The following PPA2 variants were observed in gnomAD, a reference collection of about 807,000 sequenced individuals.
PPA2 encodes inorganic pyrophosphatase 2.
Under a neutral mutation model 49.5 loss-of-function variants are expected in PPA2, and 48 were observed. The ratio of observed to expected loss-of-function variants is 0.97; its 90% CI spans 0.77 to 1.23. The LOEUF (loss-of-function observed/expected upper bound fraction) is 1.23, where lower values mean the gene tolerates loss of function less well. PPA2 is among the 50% of genes most tolerant of loss of function. The pLI is 0.00. For missense variants in PPA2, 429 were observed against 410.1 expected, an observed-to-expected ratio of 1.05 and a Z score of -0.40; for synonymous variants, 131 against 139.9, an observed-to-expected ratio of 0.94 and a Z score of 0.45.
chr4:105,435,356 T>A (rs936229240), intron 6 of PPA2, among the ~76,000 whole-genome samples: 1 of 152,196 alleles, frequency 6.6e-6, no homozygotes, highest in Non-Finnish European at 1.5e-5. Flanking sequence ...AATTCATGAA[T>A]TGTTCCATGT....
intron 5 of PPA2, among the ~76,000 whole-genome samples, chr4:105,445,763 C>T (rs1578869138): frequency 6.6e-6 from 1 of 151,934 alleles, no homozygotes; most frequent in South Asian, 2.1e-4. Context: ...GGAAGAGTTA[C>T]CTCTTCCTGG....
chr4:105,375,010 T>C (rs1345757380), intron 10 of PPA2, among the ~76,000 whole-genome samples: 2 of 152,030 alleles, frequency 1.3e-5, no homozygotes, highest in African/African-American at 4.8e-5. Context: ...TCTTTCTGCA[T>C]TGTATTTCCA....
In PPA2 at chr4:105,449,422, C is replaced by A. The variant is rs112044972; in HGVS notation, c.268-19G>T. 6.3e-3 allele frequency: 9,553 copies of A among 1,505,558 alleles called. 513 individuals are homozygous for A. In the African/African-American group the frequency reaches 0.12, roughly 18 times the overall value. The allele number at this position is 1,505,558 out of a possible 1,614,324, so 93.3% of individuals were successfully genotyped here. A position where few individuals can be genotyped will look rare whatever the true frequency, so the allele number is the denominator to read the frequency against. ...ACAGATTCTGCAGTTAAAAACAAAACAAAGAGAGAACATTAAAAATTTTAC... is the reference window on the plus strand; with the variant it reads ...ACAGATTCTGCAGTTAAAAACAAAAAAAAGAGAGAACATTAAAAATTTTAC... On this transcript the variant is annotated intron_variant, in intron 3 of 11. Transcript: ENST00000341695.
intron 10 of PPA2, among the ~76,000 whole-genome samples, chr4:105,372,640 T>A (rs1733072299): frequency 6.6e-6 from 1 of 152,184 alleles, no homozygotes; most frequent in African/African-American, 2.4e-5. Flanking sequence ...GAGACAGCCA[T>A]CAGATTTCAT....
At chr4:105,402,000 T>G (rs962335524) in intron 7 of PPA2, among the ~76,000 whole-genome samples, 1 of 152,222 alleles carries the variant, frequency 6.6e-6, no homozygotes, top group African/African-American at 2.4e-5. Context: ...TGAGATGTAA[T>G]TAAATATTAC....
intron 10 of PPA2, among the ~76,000 whole-genome samples, chr4:105,377,079 C>T (rs1733284517): frequency 6.6e-6 from 1 of 152,130 alleles, no homozygotes; most frequent in Non-Finnish European, 1.5e-5. Flanking sequence ...CCACTTGTTC[C>T]ACCTCTTCTT....
At chr4:105,461,990 C>G (rs1015766583) in intron 1 of PPA2, among the ~76,000 whole-genome samples, 2 of 152,172 alleles carry the variant, frequency 1.3e-5, no homozygotes, top group Non-Finnish European at 2.9e-5. Flanking sequence ...CAGGGCCAAT[C>G]ATGTTGATAT....
chr4:105,380,064 C>T (rs940305061), intron 10 of PPA2, among the ~76,000 whole-genome samples: 1 of 152,210 alleles, frequency 6.6e-6, no homozygotes, highest in African/African-American at 2.4e-5. Context: ...ATCTGAATGG[C>T]TTTTGCTTCT....
chr4:105,395,502 A>T (rs1734102969), intron 9 of PPA2, among the ~76,000 whole-genome samples: 1 of 152,228 alleles, frequency 6.6e-6, no homozygotes, highest in Admixed American at 6.5e-5. Flanking sequence ...TTATGTTCAC[A>T]GATGAACTGT....
intron 1 of PPA2, among the ~76,000 whole-genome samples, chr4:105,463,211 G>A (rs1402315145): frequency 1.3e-5 from 2 of 152,222 alleles, no homozygotes; most frequent in Admixed American, 1.3e-4. Flanking sequence ...CCAGGCTGAT[G>A]TGGTCTCAGA....
At chr4:105,434,029 T>C (rs1723938868) in intron 6 of PPA2, among the ~76,000 whole-genome samples, 1 of 152,206 alleles carries the variant, frequency 6.6e-6, no homozygotes, top group Non-Finnish European at 1.5e-5. Flanking sequence ...AGTCTTACCA[T>C]GTTGCCCAGG....
chr4:105,466,759 T>G (rs1431443882), intron 1 of PPA2, among the ~76,000 whole-genome samples: 2 of 152,196 alleles, frequency 1.3e-5, no homozygotes, highest in Admixed American at 6.5e-5. Context: ...GGATCTTGTG[T>G]CCCATCTCCC....
intron 7 of PPA2, among the ~76,000 whole-genome samples, chr4:105,413,974 T>C (rs1454706952): frequency 6.6e-6 from 1 of 152,126 alleles, no homozygotes; most frequent in Non-Finnish European, 1.5e-5. Flanking sequence ...TAATAAAGGG[T>C]TAATATGCAA....
intron 1 of PPA2, chr4:105,473,589 T>G (rs751487545): frequency 6.7e-6 from 4 of 600,328 alleles, no homozygotes. Context: ...GGTGGCCGCT[T>G]GCACTCTGCC....
At chr4:105,470,972 G>T (rs994893883) in intron 1 of PPA2, among the ~76,000 whole-genome samples, 1 of 152,218 alleles carries the variant, frequency 6.6e-6, no homozygotes, top group East Asian at 1.9e-4. Flanking sequence ...TCACTAAGAT[G>T]TTAACAAATG....
At chr4:105,470,829 C>T (rs777443803) in intron 1 of PPA2, among the ~76,000 whole-genome samples, 5 of 152,170 alleles carry the variant, frequency 3.3e-5, no homozygotes, top group Non-Finnish European at 5.9e-5. Context: ...GTAAGGGATG[C>T]CTCTGGTTAA....
chr4:105,449,110 G>C (rs1332652219), intron 4 of PPA2, among the ~76,000 whole-genome samples: 1 of 137,200 alleles, frequency 7.3e-6, no homozygotes, highest in Admixed American at 7.0e-5. Flanking sequence ...CTAGCTACTT[G>C]GGAGGCTGAG....
chr4:105,403,902 T>C (rs1442143876), intron 7 of PPA2, among the ~76,000 whole-genome samples: 1 of 150,162 alleles, frequency 6.7e-6, no homozygotes, highest in African/African-American at 2.5e-5. Flanking sequence ...TTCTTTCTAC[T>C]CTTTTTTTTT....
intron 11 of PPA2, 26 bp downstream of exon 11, chr4:105,370,811 T>C (rs1011815908): frequency 5.7e-6 from 8 of 1,400,938 alleles, no homozygotes; most frequent in African/African-American, 1.5e-5. Flanking sequence ...TACATGTTAC[T>C]CTTAATGAAT....
Sources: allele counts gnomAD v4.1 joint callset (sites outside exome capture counted in the v4.1 genomes callset), GRCh38; gene constraint gnomAD v4.1.1; transcripts MANE v1.5; gene names NCBI Gene and HGNC (gene_info 2026-07-23, HGNC 2026-07-21).